The following ABL1 variants were observed in gnomAD, a reference collection of about 807,000 sequenced individuals.
The protein encoded by ABL1 is ABL proto-oncogene 1, non-receptor tyrosine kinase, also known as tyrosine-protein kinase ABL1.
In ABL1, 11 loss-of-function variants were observed where a neutral mutation model predicts 94.7. That is an observed-to-expected ratio of 0.12 (90% CI 0.07 to 0.19). ABL1 has a LOEUF of 0.19. Ranked by LOEUF, ABL1 falls within the 10% of genes least tolerant of loss-of-function variation. ABL1 has a pLI of 1.00. For missense variants in ABL1, 1,082 were observed against 1,489.4 expected (o/e 0.73, Z 4.50); for synonymous variants, 656 against 622.4 (o/e 1.05, Z -0.80).
At chr9:130,879,962 C>A in intron 8 of ABL1, 106 bp from the exon 9 acceptor site, 1 of 1,018,084 alleles carries the variant, frequency 9.8e-7, no homozygotes, top group Non-Finnish European at 1.5e-6. Context: ...AGATGGTTAG[C>A]AGGATTGGAA....
chr9:130,749,434 C>T (rs1831928209), intron 1 of ABL1, among the ~76,000 whole-genome samples: 1 of 152,214 alleles, frequency 6.6e-6, no homozygotes, highest in South Asian at 2.1e-4. Flanking sequence ...AATTACATGG[C>T]ATTTCCTTGC....
intron 1 of ABL1, among the ~76,000 whole-genome samples, chr9:130,783,048 A>G (rs938368368): frequency 6.6e-6 from 1 of 152,192 alleles, no homozygotes; most frequent in Non-Finnish European, 1.5e-5. Context: ...CATCATTGCC[A>G]CACTTAAGGA....
At chr9:130,767,578 C>G (rs1832200278) in intron 1 of ABL1, among the ~76,000 whole-genome samples, 1 of 152,168 alleles carries the variant, frequency 6.6e-6, no homozygotes, top group African/African-American at 2.4e-5. Context: ...GGTGATCCAC[C>G]CGCCTGGGCC....
At chr9:130,734,194 A>T (rs10901277) in intron 1 of ABL1, among the ~76,000 whole-genome samples, 49,890 of 151,088 alleles carry the variant, frequency 0.33, 12,224 homozygotes, top group African/African-American at 0.67. Context: ...TCGTGGTATG[A>T]TTTTTAATAC....
intron 3 of ABL1, among the ~76,000 whole-genome samples, chr9:130,858,265 T>G (rs1831007001): frequency 6.6e-6 from 1 of 151,974 alleles, no homozygotes; most frequent in Non-Finnish European, 1.5e-5. Context: ...GTATGGGATA[T>G]GTGATTTGCA....
At chr9:130,773,738 C>A (rs1364398431) in intron 1 of ABL1, among the ~76,000 whole-genome samples, 2 of 151,136 alleles carry the variant, frequency 1.3e-5, no homozygotes, top group Non-Finnish European at 2.9e-5. Context: ...GTTTCAGCCT[C>A]CCAAAATGCT....
chr9:130,763,464 T>A (rs888047753), intron 1 of ABL1, among the ~76,000 whole-genome samples: 1 of 152,198 alleles, frequency 6.6e-6, no homozygotes, highest in African/African-American at 2.4e-5. Flanking sequence ...GTCTGTTAGA[T>A]CAGGAATTCA....
intron 4 of ABL1, among the ~76,000 whole-genome samples, chr9:130,870,762 A>G (rs1168703982): frequency 6.6e-6 from 1 of 152,220 alleles, no homozygotes; most frequent in Non-Finnish European, 1.5e-5. Flanking sequence ...GCAGCTCACC[A>G]TTTTTAAAGA....
At position 130,809,447 on chromosome 9, in the gene ABL1, C is replaced by T. The variant is rs34949450; in HGVS notation, c.137-44617C>T. Among the ~76,000 whole-genome samples, 1,126 of 144,638 alleles carry T rather than the reference C, an allele frequency of 7.8e-3. 18 individuals are homozygous for T. The highest frequency in any genetic ancestry group is 0.027 in the African/African-American group (1,035 of 38,892). The allele number at this position is 144,638 out of a possible 152,430, so 94.9% of individuals were successfully genotyped here. Reference sequence around the variant, plus strand: ...GTGTGTGTGTGTGTGTGTGTGTGCACGTGTGAAGAAATTTATTGTAAGGAA... The same window carrying T: ...GTGTGTGTGTGTGTGTGTGTGTGCATGTGTGAAGAAATTTATTGTAAGGAA... On this transcript the variant is annotated intron_variant, in intron 1 of 10. Coordinates refer to the ABL1 transcript ENST00000372348.
In ABL1 at chr9:130,795,338, C is replaced by G. The variant is rs150398810; in HGVS notation, c.137-58726C>G. 1.0e-3 allele frequency among the ~76,000 whole-genome samples: 159 copies of G among 152,284 alleles called. 1 individual carries two copies. The highest frequency in any genetic ancestry group is 0.01 in the Middle Eastern group (3 of 294). ...TTAATACATTTTGTTTAAACAAAGCCTGTTCCTGGAAGTGGTTCCAGAATA... is the reference window on the plus strand; with the variant it reads ...TTAATACATTTTGTTTAAACAAAGCGTGTTCCTGGAAGTGGTTCCAGAATA... On this transcript the variant is annotated intron_variant, in intron 1 of 10. Transcript: ENST00000372348.
At chr9:130,781,941 A>G (rs1258883803) in intron 1 of ABL1, among the ~76,000 whole-genome samples, 1 of 152,244 alleles carries the variant, frequency 6.6e-6, no homozygotes. Flanking sequence ...ACATATGCAC[A>G]CATACATGTA....
At chr9:130,808,250 T>TTCTTC (rs1564296123) in intron 1 of ABL1, among the ~76,000 whole-genome samples, 6 of 114,314 alleles carry the variant, frequency 5.2e-5, no homozygotes, top group Admixed American at 3.6e-4. Context: ...TCTTCTTCTT[T>TTCTTC]TTTTTTTTTT....
intron 8 of ABL1, among the ~76,000 whole-genome samples, 163 bp downstream of exon 8, chr9:130,878,730 T>G (rs1831395791): frequency 6.6e-6 from 1 of 152,214 alleles, no homozygotes; most frequent in Non-Finnish European, 1.5e-5. Context: ...TGACCTTTAT[T>G]TACAGATAAA....
At chr9:130,854,652 C>A in intron 2 of ABL1, 149 bp from the exon 3 acceptor site, 1 of 849,416 alleles carries the variant, frequency 1.2e-6, no homozygotes, top group South Asian at 1.8e-5. Flanking sequence ...TTCTCATACA[C>A]TTATAAATGC....
intron 1 of ABL1, among the ~76,000 whole-genome samples, chr9:130,788,549 C>A (rs1829862344): frequency 6.6e-6 from 1 of 152,144 alleles, no homozygotes; most frequent in Non-Finnish European, 1.5e-5. Context: ...TTCCTCAATT[C>A]TCCCAGTAAT....
intron 1 of ABL1, among the ~76,000 whole-genome samples, chr9:130,803,835 T>A (rs1165534855): frequency 6.6e-6 from 1 of 152,146 alleles, no homozygotes; most frequent in Admixed American, 6.5e-5. Flanking sequence ...GCTAAAGAGA[T>A]CTTAAAGTTG....
chr9:130,874,315 A>G (rs1298084045), intron 6 of ABL1, among the ~76,000 whole-genome samples: 2 of 152,226 alleles, frequency 1.3e-5, no homozygotes, highest in African/African-American at 4.8e-5. Context: ...CACCTCAGGA[A>G]GAAAGAGGGA....
At chr9:130,725,715 C>G (rs186693877) in intron 1 of ABL1, among the ~76,000 whole-genome samples, 8 of 150,898 alleles carry the variant, frequency 5.3e-5, no homozygotes, top group African/African-American at 1.5e-4. Context: ...TCTGTTGTTA[C>G]GTGTATCAGA....
At chr9:130,732,022 T>C (rs1182280175) in intron 1 of ABL1, among the ~76,000 whole-genome samples, 1 of 152,210 alleles carries the variant, frequency 6.6e-6, no homozygotes, top group Non-Finnish European at 1.5e-5. Flanking sequence ...TCTATTCTTT[T>C]TTTTTTTCCA....
Sources: allele counts gnomAD v4.1 joint callset (sites outside exome capture counted in the v4.1 genomes callset), GRCh38; gene constraint gnomAD v4.1.1; transcripts MANE v1.5; gene names NCBI Gene and HGNC (gene_info 2026-07-23, HGNC 2026-07-21).